Variants in SLMAP observed in about 807,000 individuals in gnomAD.
The protein encoded by SLMAP is sarcolemmal membrane-associated protein.
SLMAP carries 44 observed loss-of-function variants against 128.8 expected under a neutral mutation model. That is an observed-to-expected ratio of 0.34 (90% CI 0.27 to 0.44). The LOEUF (loss-of-function observed/expected upper bound fraction) is 0.44. SLMAP is among the 20% of genes least tolerant of loss of function. SLMAP has a pLI of 1.00. For missense variants in SLMAP, 787 were observed against 985.3 expected (o/e 0.80, Z 2.69); for synonymous variants, 327 against 348.8 (o/e 0.94, Z 0.70).
intron 18 of SLMAP, among the ~76,000 whole-genome samples, chr3:57,908,496 T>C (rs4681655): frequency 0.31 from 46,746 of 151,898 alleles, 7,535 homozygotes; most frequent in East Asian, 0.48. Flanking sequence ...AGGGAATGAC[T>C]TCTGGAGCCC....
chr3:57,777,286 T>A (rs9311661), intron 2 of SLMAP, among the ~76,000 whole-genome samples: 33,201 of 151,944 alleles, frequency 0.22, 4,644 homozygotes, highest in Non-Finnish European at 0.31. Context: ...TTGACTTTTT[T>A]AAAAAAACCT....
At chr3:57,922,759 C>T in intron 22 of SLMAP, 130 bp from the exon 23 acceptor site, 2 of 833,972 alleles carry the variant, frequency 2.4e-6, no homozygotes, top group Non-Finnish European at 3.7e-6. Flanking sequence ...GTTATTCCTC[C>T]TTAAACAAAA....
At chr3:57,803,900 T>A (rs2089201911) in intron 2 of SLMAP, among the ~76,000 whole-genome samples, 1 of 152,230 alleles carries the variant, frequency 6.6e-6, no homozygotes, top group African/African-American at 2.4e-5. Context: ...AAGTAAATAA[T>A]TCTGTCACGT....
chr3:57,848,500 CCTT>C (rs1314134878), intron 5 of SLMAP, among the ~76,000 whole-genome samples: 3 of 150,328 alleles, frequency 2.0e-5, no homozygotes, highest in East Asian at 3.9e-4. Flanking sequence ...CCTCCTACTT[CCTT>C]CTTCTTTCTT....
At chr3:57,772,813 T>C (rs2081148369) in intron 2 of SLMAP, among the ~76,000 whole-genome samples, 1 of 152,026 alleles carries the variant, frequency 6.6e-6, no homozygotes, top group Admixed American at 6.6e-5. Context: ...GCTAATTTTG[T>C]ATTTTTAGTA....
At position 57,871,621 on chromosome 3, in the gene SLMAP, T is replaced by C. The variant is rs1171184194; in HGVS notation, c.1238-15T>C. On this transcript the variant is annotated splice_polypyrimidine_tract_variant and intron_variant, in intron 13 of 24. Transcript: ENST00000671191. ...CAACAAACTATATCCTTAAAGGTGT[T>C]TCTTTCTTTATTAGAGCACTTGCTT... 1 of 1,607,116 alleles carries C rather than the reference T, an allele frequency of 6.2e-7. No homozygotes were observed. The highest frequency in any genetic ancestry group is 1.3e-5 in the African/African-American group (1 of 74,734).
intron 21 of SLMAP, among the ~76,000 whole-genome samples, chr3:57,914,873 C>A (rs1025835657): frequency 6.6e-6 from 1 of 151,096 alleles, no homozygotes; most frequent in African/African-American, 2.4e-5. Flanking sequence ...TGAGCCACTG[C>A]ACTCAACTCA....
At chr3:57,779,617 G>C (rs2082616369) in intron 2 of SLMAP, among the ~76,000 whole-genome samples, 2 of 152,050 alleles carry the variant, frequency 1.3e-5, no homozygotes, top group South Asian at 2.1e-4. Flanking sequence ...AATCCTTGTG[G>C]GGGAGGCAGA....
intron 2 of SLMAP, among the ~76,000 whole-genome samples, chr3:57,771,637 C>A (rs533885708): frequency 3.9e-5 from 6 of 152,144 alleles, no homozygotes; most frequent in Admixed American, 2.6e-4. Flanking sequence ...ATGATCCCCC[C>A]ACCTTGGCCT....
rs55916379 is a variant in SLMAP at position 57,869,630 on chromosome 3, TTATA to T, written c.1238-1979_1238-1976del. On this transcript the variant is annotated intron_variant, in intron 13 of 24. Coordinates refer to ENST00000671191, the MANE Select transcript of SLMAP (RefSeq NM_001377540.1). ...ACAACATAGCAAGATCCCATCTCTA[TTATA>T]TATATATATATATATATATATATAT... Among the ~76,000 whole-genome samples the T allele has an allele frequency of 2.2e-3, 163 of 75,460 alleles. 4 individuals are homozygous for T. The highest frequency in any genetic ancestry group is 8.9e-3 in the East Asian group (11 of 1,242). The allele number at this position is 75,460 out of a possible 152,430, so 49.5% of individuals were successfully genotyped here. A position where few individuals can be genotyped will look rare whatever the true frequency, so the allele number is the denominator to read the frequency against.
At chr3:57,871,330 G>T (rs1411357519) in intron 13 of SLMAP, among the ~76,000 whole-genome samples, 1 of 152,104 alleles carries the variant, frequency 6.6e-6, no homozygotes, top group Non-Finnish European at 1.5e-5. Context: ...AATTATTTAA[G>T]GGTATTTGTT....
chr3:57,819,369 A>C (rs980822707), intron 2 of SLMAP, among the ~76,000 whole-genome samples: 4 of 152,238 alleles, frequency 2.6e-5, no homozygotes, highest in African/African-American at 4.8e-5. Flanking sequence ...CATAAATTTA[A>C]AGCATTTTTA....
At chr3:57,777,982 T>A (rs2153455291) in intron 2 of SLMAP, among the ~76,000 whole-genome samples, 1 of 152,358 alleles carries the variant, frequency 6.6e-6, no homozygotes, top group East Asian at 1.9e-4. Flanking sequence ...CTACACTTGG[T>A]TGTGATGTAT....
At chr3:57,839,602 G>A (rs1049734739) in intron 3 of SLMAP, among the ~76,000 whole-genome samples, 2 of 149,926 alleles carry the variant, frequency 1.3e-5, no homozygotes, top group Non-Finnish European at 3.0e-5. Context: ...CCACCATACC[G>A]GCTATTTTTG....
At chr3:57,864,929 A>T in intron 12 of SLMAP, 72 bp downstream of exon 12, 1 of 1,162,034 alleles carries the variant, frequency 8.6e-7, no homozygotes. Flanking sequence ...TTACTGTCTC[A>T]CACTGCATTT....
At chr3:57,787,206 A>G (rs867171866) in intron 2 of SLMAP, among the ~76,000 whole-genome samples, 1 of 152,216 alleles carries the variant, frequency 6.6e-6, no homozygotes, top group Admixed American at 6.5e-5. Context: ...TGTTCTTTTT[A>G]TGGGAGATGG....
intron 11 of SLMAP, 21 bp from the exon 12 acceptor site, chr3:57,864,786 T>G (rs1269501640): frequency 3.2e-6 from 5 of 1,573,644 alleles, no homozygotes; most frequent in Admixed American, 2.0e-5. Flanking sequence ...ATCTTTTTTT[T>G]TTTTGGACTT....
At chr3:57,830,486 G>A (rs557845383) in intron 2 of SLMAP, among the ~76,000 whole-genome samples, 1 of 152,108 alleles carries the variant, frequency 6.6e-6, no homozygotes, top group East Asian at 1.9e-4. Flanking sequence ...GAAAAAGAAA[G>A]GTACGTCTTT....
intron 19 of SLMAP, among the ~76,000 whole-genome samples, chr3:57,910,769 C>T (rs1260834025): frequency 6.6e-6 from 1 of 151,858 alleles, no homozygotes; most frequent in Non-Finnish European, 1.5e-5. Context: ...AAAGAAGGAG[C>T]CAATGTTGTT....
Sources: gnomAD v4.1 joint callset for allele counts (sites outside exome capture counted in the v4.1 genomes callset) on GRCh38, gnomAD v4.1.1 for gene constraint, MANE v1.5 for transcripts, NCBI Gene and HGNC (gene_info 2026-07-23, HGNC 2026-07-21) for gene names.